The following AK4 variants were observed in gnomAD, a reference collection of about 807,000 sequenced individuals.
AK4 encodes the protein adenylate kinase 4, mitochondrial.
Under a neutral mutation model 24.6 loss-of-function variants are expected in AK4, and 13 were observed. The ratio of observed to expected loss-of-function variants is 0.53; its 90% CI spans 0.34 to 0.84. AK4 has a LOEUF of 0.84. AK4 is among the 40% of genes least tolerant of loss of function. AK4 has a pLI of 0.01. For synonymous variants in AK4, 88 were observed against 107.0 expected (o/e 0.82, Z 1.10); for missense variants, 192 against 288.2 (o/e 0.67, Z 2.42).
intron 1 of AK4, among the ~76,000 whole-genome samples, chr1:65,188,040 A>G (rs951986178): frequency 6.6e-6 from 1 of 152,108 alleles, no homozygotes; most frequent in African/African-American, 2.4e-5. Flanking sequence ...TTCAGTGCTT[A>G]AGTTGGGGTT....
At chr1:65,153,995 T>C (rs1377587036) in intron 1 of AK4, among the ~76,000 whole-genome samples, 1 of 152,124 alleles carries the variant, frequency 6.6e-6, no homozygotes, top group South Asian at 2.1e-4. Flanking sequence ...GGGATCCTGG[T>C]AAGGATTGGA....
At chr1:65,182,728 T>C (rs1306210267) in intron 1 of AK4, among the ~76,000 whole-genome samples, 1 of 152,184 alleles carries the variant, frequency 6.6e-6, no homozygotes, top group Non-Finnish European at 1.5e-5. Flanking sequence ...TGGTTGGCTT[T>C]CTGTAACCCT....
intron 1 of AK4, chr1:65,154,657 C>A (rs929813732): frequency 4.5e-6 from 2 of 447,176 alleles, no homozygotes; most frequent in Admixed American, 4.3e-5. Flanking sequence ...CTAAATGATC[C>A]TCCTTCAAAG....
rs1652607397 is a variant in AK4, at chr1:65,230,438, C to T, written c.*4261C>T. ...CAAAGAGTTGAAGCCTGCTGGAGGTCTTTGCTCAAATAATAAATACCACAT... is the reference window on the plus strand; with the variant it reads ...CAAAGAGTTGAAGCCTGCTGGAGGTTTTTGCTCAAATAATAAATACCACAT... On this transcript the variant is annotated 3_prime_UTR_variant, in exon 5 of 5. Transcript: ENST00000327299. The T allele has an allele frequency of 6.6e-6, 1 of 152,170 alleles. No homozygotes were observed. Among genetic ancestry groups the T allele is most frequent in the Non-Finnish European group, 1.5e-5 (1 of 68,028 alleles). The allele number at this position is 152,170 out of a possible 1,614,324, so 9.4% of individuals were successfully genotyped here. A position where few individuals can be genotyped will look rare whatever the true frequency, so the allele number is the denominator to read the frequency against.
Position 65,224,805 on chromosome 1 carries a change from C to G in AK4, c.492C>G (p.Pro164=). The change falls in exon 4 of 5, where the codon CCC becomes CCG. Residue 164 remains proline, a synonymous_variant. Transcript: ENST00000327299. ...TAGTCCAGCAGGAGGATGATAAACC[C>G]GAAGCAGTTGCTGCCAGGCTAAGAC... The part of the protein sequence containing the change: ...EPLVQQEDDK[P]EAVAARLRQY... 1.2e-6 allele frequency: 2 copies of G among 1,613,840 alleles called. No homozygotes were observed. Among genetic ancestry groups the G allele is most frequent in the Non-Finnish European group, 1.7e-6 (2 of 1,179,958 alleles).
intron 2 of AK4, among the ~76,000 whole-genome samples, chr1:65,191,242 CA>C (rs1034621467): frequency 6.6e-6 from 1 of 152,122 alleles, no homozygotes; most frequent in African/African-American, 2.4e-5. Context: ...ATGTAGGAAA[CA>C]AATACTGTTG....
intron 1 of AK4, among the ~76,000 whole-genome samples, chr1:65,173,862 C>CAA (rs11429425): frequency 5.5e-4 from 78 of 140,912 alleles, no homozygotes; most frequent in East Asian, 3.9e-3. Context: ...GACCCTGTCT[C>CAA]AAAAAAAAAA....
At chr1:65,201,311 C>T (rs1221475333) in intron 2 of AK4, among the ~76,000 whole-genome samples, 1 of 152,122 alleles carries the variant, frequency 6.6e-6, no homozygotes, top group East Asian at 1.9e-4. Context: ...CGTTCGTGTC[C>T]TCCATGTCCA....
At chr1:65,203,304 AG>A (rs960049731) in intron 2 of AK4, among the ~76,000 whole-genome samples, 2 of 152,174 alleles carry the variant, frequency 1.3e-5, no homozygotes, top group African/African-American at 4.8e-5. Context: ...TCTGGAAAAT[AG>A]GTCATCAAAT....
intron 2 of AK4, among the ~76,000 whole-genome samples, chr1:65,216,056 AG>A (rs1652119867): frequency 6.6e-6 from 1 of 152,194 alleles, no homozygotes. Context: ...ATCAGTGAGA[AG>A]GTTGAATTTA....
intron 1 of AK4, among the ~76,000 whole-genome samples, chr1:65,163,888 C>G (rs545830725): frequency 1.5e-4 from 23 of 151,916 alleles, no homozygotes; most frequent in African/African-American, 4.1e-4. Flanking sequence ...GGTTTTCTTG[C>G]TGTCTTCTGT....
intron 3 of AK4, among the ~76,000 whole-genome samples, chr1:65,221,925 C>T (rs1570146412): frequency 2.0e-5 from 3 of 152,298 alleles, no homozygotes; most frequent in East Asian, 3.9e-4. Context: ...GGTTCGTCAT[C>T]TCATGCCAGG....
chr1:65,194,676 G>A (rs1051005260), intron 2 of AK4, among the ~76,000 whole-genome samples: 28 of 152,166 alleles, frequency 1.8e-4, no homozygotes, highest in African/African-American at 6.8e-4. Context: ...TGGCCAGGCT[G>A]GTCTTGAACT....
chr1:65,176,308 C>G (rs959011702), intron 1 of AK4, among the ~76,000 whole-genome samples: 4 of 151,968 alleles, frequency 2.6e-5, no homozygotes, highest in Non-Finnish European at 5.9e-5. Flanking sequence ...ATTTCTGGAC[C>G]CTGGGTACAA....
At chr1:65,222,122 G>A (rs140237709) in intron 3 of AK4, among the ~76,000 whole-genome samples, 3 of 152,270 alleles carry the variant, frequency 2.0e-5, no homozygotes, top group African/African-American at 7.2e-5. Context: ...TTTACATAGG[G>A]CTCACAGATT....
At chr1:65,148,683 C>CG in intron 1 of AK4, 131 bp downstream of exon 1, 1 of 1,269,056 alleles carries the variant, frequency 7.9e-7, no homozygotes, top group Non-Finnish European at 1.0e-6. Flanking sequence ...TCGTACGTGC[C>CG]GGGGCGCATG....
intron 3 of AK4, among the ~76,000 whole-genome samples, chr1:65,222,706 A>G (rs12022787): frequency 6.6e-6 from 1 of 152,026 alleles, no homozygotes; most frequent in Admixed American, 6.5e-5. Context: ...TGTGATAATT[A>G]CATGGCTTAC....
rs1431817986 is a variant in AK4 at position 65,225,786 on chromosome 1, C to T, written c.558-277C>T. On this transcript the variant is annotated intron_variant, in intron 4 of 4. Coordinates refer to ENST00000327299, the MANE Select transcript of AK4 (RefSeq NM_013410.4). ...CTTTTGAAAATTATATATTGGGGCA[C>T]ATTTGGAATGGCCCCTATAATGCTA... is the stretch of plus-strand genomic sequence containing the variant. 2.0e-5 allele frequency among the ~76,000 whole-genome samples: 3 copies of T among 152,132 alleles called. No individual in the cohort carries two copies. In the East Asian group the frequency reaches 5.8e-4, roughly 29 times the overall value.
chr1:65,229,541 A>G lies in AK4; in HGVS notation c.*3364A>G, dbSNP rs867642705. ...ACAGCGAGACCCTCTCTCTTAAAAAAAAAAAATAGCAGAGCTCACCAAAGT... is the reference window on the plus strand; with the variant it reads ...ACAGCGAGACCCTCTCTCTTAAAAAGAAAAAATAGCAGAGCTCACCAAAGT... On this transcript the variant is annotated 3_prime_UTR_variant, in exon 5 of 5. Coordinates refer to ENST00000327299, the MANE Select transcript of AK4 (RefSeq NM_013410.4). 1 of 152,092 alleles carries G rather than the reference A, an allele frequency of 6.6e-6. No individual in the cohort carries two copies. Among genetic ancestry groups the G allele is most frequent in the South Asian group, 2.1e-4 (1 of 4,814 alleles). 9.4% of individuals were successfully genotyped at this position (152,092 alleles called of 1,614,324 possible). A position where few individuals can be genotyped will look rare whatever the true frequency, so the allele number is the denominator to read the frequency against.
Sources: gnomAD v4.1 joint callset for allele counts (sites outside exome capture counted in the v4.1 genomes callset) on GRCh38, gnomAD v4.1.1 for gene constraint, MANE v1.5 for transcripts, NCBI Gene and HGNC (gene_info 2026-07-23, HGNC 2026-07-21) for gene names.